CCDC146: variants seen among roughly 807,000 people sequenced by gnomAD.
CCDC146 encodes the protein coiled-coil domain-containing protein 146.
A neutral mutation model predicts 119.3 loss-of-function variants in CCDC146; 92 were observed. The observed-to-expected ratio is 0.77, with a 90% confidence interval of 0.65 to 0.92. CCDC146 has a LOEUF of 0.92. Among genes scored for constraint, CCDC146 ranks in the 40% least tolerant of loss-of-function variants. CCDC146 has a pLI of 0.00. For synonymous variants in CCDC146, 372 were observed against 371.8 expected (o/e 1.00, Z -0.01); for missense variants, 1,000 against 1,103.0 (o/e 0.91, Z 1.32).
chr7:77,165,867 C>T (rs1425134319), intron 1 of CCDC146, among the ~76,000 whole-genome samples: 1 of 152,022 alleles, frequency 6.6e-6, no homozygotes, highest in African/African-American at 2.4e-5. Context: ...TAGAATTCTT[C>T]AAAGAGTTTA....
chr7:77,241,739 T>C lies in CCDC146; in HGVS notation c.288T>C (p.Thr96=), dbSNP rs776187418. 3.7e-6 allele frequency: 6 copies of C among 1,613,916 alleles called. No homozygotes were observed. The highest frequency in any genetic ancestry group is 4.2e-6 in the Non-Finnish European group (5 of 1,180,034). Residue 96 remains threonine, a synonymous_variant, in exon 4 of 19, where the codon ACT becomes ACC. Transcript: ENST00000285871. ...TGCTACAGAATGCCAAACGTTTCAC[T>C]GAGCAAATACAACAGCAGCAGTTTC... is the stretch of plus-strand genomic sequence containing the variant. The part of the protein sequence containing the change: ...VQLLQNAKRF[T]EQIQQQQFHL...
chr7:77,249,486 C>CAAAA (rs36137608), intron 4 of CCDC146, among the ~76,000 whole-genome samples: 4 of 96,746 alleles, frequency 4.1e-5, no homozygotes, highest in South Asian at 3.5e-4. Flanking sequence ...GACTCTGTCT[C>CAAAA]AAAAAAAAAA....
At chr7:77,169,652 T>C (rs1172268495) in intron 2 of CCDC146, among the ~76,000 whole-genome samples, 1 of 152,228 alleles carries the variant, frequency 6.6e-6, no homozygotes, top group Non-Finnish European at 1.5e-5. Flanking sequence ...CTTCTCATGC[T>C]ATCATTGTCC....
At chr7:77,244,603 C>T (rs1792912304) in intron 4 of CCDC146, among the ~76,000 whole-genome samples, 2 of 152,218 alleles carry the variant, frequency 1.3e-5, no homozygotes, top group African/African-American at 4.8e-5. Flanking sequence ...GGTCTATAGC[C>T]TAGGTGCAGT....
intron 2 of CCDC146, among the ~76,000 whole-genome samples, chr7:77,208,891 G>A (rs1792127537): frequency 6.6e-6 from 1 of 152,070 alleles, no homozygotes; most frequent in South Asian, 2.1e-4. Flanking sequence ...TAAGAGATGG[G>A]GTCTCATTAT....
chr7:77,228,995 C>T (rs1792570797), intron 2 of CCDC146, among the ~76,000 whole-genome samples: 1 of 152,174 alleles, frequency 6.6e-6, no homozygotes, highest in African/African-American at 2.4e-5. Context: ...GCTCTCCCTC[C>T]CCCAACTAAC....
chr7:77,271,736 G>T (rs1259477362), intron 9 of CCDC146, among the ~76,000 whole-genome samples: 1 of 151,336 alleles, frequency 6.6e-6, no homozygotes, highest in Non-Finnish European at 1.5e-5. Flanking sequence ...GCTTTACAGA[G>T]AATTTAAAAT....
chr7:77,145,539 T>C (rs1478215103), intron 1 of CCDC146, among the ~76,000 whole-genome samples: 1 of 151,984 alleles, frequency 6.6e-6, no homozygotes, highest in African/African-American at 2.4e-5. Flanking sequence ...TTTCCTGCTT[T>C]CTCTTGTGGG....
At chr7:77,144,183 G>A (rs543531846) in intron 1 of CCDC146, among the ~76,000 whole-genome samples, 1 of 151,726 alleles carries the variant, frequency 6.6e-6, no homozygotes, top group East Asian at 1.9e-4. Context: ...AAGCAATTGT[G>A]AATGGGAGTT....
intron 2 of CCDC146, among the ~76,000 whole-genome samples, chr7:77,179,369 A>G (rs1259444063): frequency 6.6e-6 from 1 of 151,898 alleles, no homozygotes; most frequent in Non-Finnish European, 1.5e-5. Context: ...TACAATCTAA[A>G]CTCCCCCTCC....
intron 2 of CCDC146, among the ~76,000 whole-genome samples, chr7:77,234,172 C>T (rs1358504325): frequency 6.6e-6 from 1 of 151,976 alleles, no homozygotes; most frequent in Non-Finnish European, 1.5e-5. Context: ...CATATACATA[C>T]AAACACACAC....
chr7:77,131,684 C>T (rs1218152767), intron 1 of CCDC146, among the ~76,000 whole-genome samples: 1 of 152,160 alleles, frequency 6.6e-6, no homozygotes, highest in South Asian at 2.1e-4. Context: ...TGCCACTGCA[C>T]TTAAGCCTGG....
chr7:77,259,818 C>CA, intron 7 of CCDC146, 191 bp from the exon 8 acceptor site: 1 of 529,844 alleles, frequency 1.9e-6, no homozygotes. Flanking sequence ...AGATACCCTC[C>CA]AAGTCCCACC....
chr7:77,133,770 C>T (rs1463421724), intron 1 of CCDC146, among the ~76,000 whole-genome samples: 1 of 150,424 alleles, frequency 6.6e-6, no homozygotes, highest in African/African-American at 2.4e-5. Flanking sequence ...CTTGGTGCTA[C>T]TCCATCCTAA....
At chr7:77,282,373 T>C in intron 14 of CCDC146, 184 bp from the exon 15 acceptor site, 1 of 565,634 alleles carries the variant, frequency 1.8e-6, no homozygotes, top group Non-Finnish European at 3.1e-6. Context: ...GTAACCCTCC[T>C]ATCCCTAGAG....
intron 2 of CCDC146, among the ~76,000 whole-genome samples, chr7:77,219,244 G>A (rs1792356634): frequency 6.6e-6 from 1 of 152,126 alleles, no homozygotes; most frequent in Non-Finnish European, 1.5e-5. Flanking sequence ...TGAACTGTTT[G>A]TTAGAATCTA....
intron 15 of CCDC146, among the ~76,000 whole-genome samples, chr7:77,285,174 C>A (rs1463084252): frequency 3.3e-5 from 5 of 152,158 alleles, no homozygotes; most frequent in Admixed American, 3.3e-4. Flanking sequence ...TTTTGGGACA[C>A]AAGGACACTA....
Position 77,274,528 on chromosome 7 carries a change from C to T in CCDC146, c.1316C>T (p.Ala439Val), listed in dbSNP as rs1202056660. ...TCTAAGTTAGTAGAACAACAACTTGCAGAAGAAAACAAGCTTTTAAAGGAG... is the reference window on the plus strand; with the variant it reads ...TCTAAGTTAGTAGAACAACAACTTGTAGAAGAAAACAAGCTTTTAAAGGAG... ...MESKLVEQQL[A>V]EENKLLKEQE... The change falls in exon 11 of 19, where the codon GCA becomes GTA. Residue 439 changes from alanine (A) to valine (V), a missense_variant. By Grantham distance (64) the Ala-to-Val change is moderately conservative. Transcript: ENST00000285871. The T allele has an allele frequency of 6.2e-7, 1 of 1,607,294 alleles. No homozygotes were observed. The highest frequency in any genetic ancestry group is 1.1e-5 in the South Asian group (1 of 89,962).
rs200082660 is a variant in CCDC146 at position 77,199,352 on chromosome 7, T to C, written c.156+31528T>C. On this transcript the variant is annotated intron_variant, in intron 2 of 18. Transcript: ENST00000285871. ...CCATGAAGTACATTGATCTCCTCTT[T>C]GGCATTCTTTAGCTCAGAGGACAGC... is the stretch of plus-strand genomic sequence containing the variant. The C allele has an allele frequency of 3.1e-6, 5 of 1,614,104 alleles. No individual in the cohort carries two copies. The East Asian group carries it at 1.1e-4, about 36-fold the overall frequency.
Sources: allele counts gnomAD v4.1 joint callset (sites outside exome capture counted in the v4.1 genomes callset), GRCh38; gene constraint gnomAD v4.1.1; transcripts MANE v1.5; gene names NCBI Gene and HGNC (gene_info 2026-07-23, HGNC 2026-07-21).